NAV3: variants seen among roughly 807,000 people sequenced by gnomAD.
NAV3 encodes pore membrane and/or filament interacting like protein 1.
In NAV3, 87 loss-of-function variants were observed where a neutral mutation model predicts 244.7. The observed-to-expected ratio is 0.36, with a 90% CI of 0.30 to 0.42. NAV3 has a LOEUF of 0.42. Ranked by LOEUF, NAV3 falls within the 20% of genes least tolerant of loss-of-function variation. The pLI, the probability that NAV3 is intolerant of heterozygous loss-of-function variation, is 1.00. For synonymous variants in NAV3, 1,126 were observed against 1,042.2 expected (o/e 1.08, Z -1.55); for missense variants, 2,663 against 2,893.3 (o/e 0.92, Z 1.83).
chr12:77,811,747 A>G (rs1872297772), intron 2 of NAV3, among the ~76,000 whole-genome samples: 1 of 152,250 alleles, frequency 6.6e-6, no homozygotes, highest in Admixed American at 6.5e-5. Context: ...TTGACACTAA[A>G]CAAAGGGAAA....
intron 38 of NAV3, among the ~76,000 whole-genome samples, chr12:78,203,276 A>G (rs1313787134): frequency 1.3e-5 from 2 of 152,142 alleles, no homozygotes; most frequent in Non-Finnish European, 1.5e-5. Context: ...TTAAAAACCT[A>G]GAATTAATTG....
At chr12:78,090,660 T>C (rs886891750) in intron 12 of NAV3, among the ~76,000 whole-genome samples, 6 of 152,162 alleles carry the variant, frequency 3.9e-5, no homozygotes, top group Non-Finnish European at 7.4e-5. Context: ...ATTGACACCA[T>C]ATATATTTTT....
intron 23 of NAV3, among the ~76,000 whole-genome samples, chr12:78,167,860 C>T (rs899786624): frequency 6.6e-6 from 1 of 151,458 alleles, no homozygotes; most frequent in African/African-American, 2.4e-5. Flanking sequence ...AAACAATTCT[C>T]AGTTCTTTTT....
chr12:77,872,821 G>A (rs1230218213), intron 1 of NAV3, among the ~76,000 whole-genome samples: 1 of 152,030 alleles, frequency 6.6e-6, no homozygotes, highest in African/African-American at 2.4e-5. Context: ...ATTCTATTGT[G>A]TTGAATAAAT....
chr12:78,063,864 G>T (rs1283552743), intron 12 of NAV3, among the ~76,000 whole-genome samples: 3 of 152,114 alleles, frequency 2.0e-5, no homozygotes, highest in Non-Finnish European at 4.4e-5. Flanking sequence ...CTGGGAATGT[G>T]GACAAGGAGA....
At chr12:77,728,404 GA>G (rs35148534) in intron 2 of NAV3, among the ~76,000 whole-genome samples, 6,685 of 152,016 alleles carry the variant, frequency 0.044, 522 homozygotes, top group African/African-American at 0.15. Flanking sequence ...GAGACAGAAA[GA>G]ATAATTGGAC....
At chr12:78,107,657 T>C (rs73354818) in intron 12 of NAV3, among the ~76,000 whole-genome samples, 13,259 of 152,008 alleles carry the variant, frequency 0.087, 686 homozygotes, top group Middle Eastern at 0.14. Flanking sequence ...AAATTATCCT[T>C]CATAAATGAA....
intron 13 of NAV3, among the ~76,000 whole-genome samples, chr12:78,117,265 C>T (rs7975407): frequency 2.0e-4 from 2 of 10,208 alleles, no homozygotes; most frequent in African/African-American, 5.0e-4. Flanking sequence ...GTTATCTATA[C>T]AAATATATTT....
At chr12:77,715,370 G>GTAT (rs2137269256) in intron 2 of NAV3, among the ~76,000 whole-genome samples, 1 of 150,674 alleles carries the variant, frequency 6.6e-6, no homozygotes, top group African/African-American at 2.5e-5. Flanking sequence ...TGTCTTTTTT[G>GTAT]TATTATATCT....
intron 3 of NAV3, among the ~76,000 whole-genome samples, chr12:77,949,780 T>C (rs756827680): frequency 9.2e-5 from 14 of 152,076 alleles, no homozygotes; most frequent in Non-Finnish European, 1.9e-4. Context: ...TGACCTGTGT[T>C]ACCATTATAG....
intron 2 of NAV3, among the ~76,000 whole-genome samples, chr12:77,717,320 C>T (rs1388699327): frequency 1.3e-5 from 2 of 151,990 alleles, no homozygotes; most frequent in Non-Finnish European, 2.9e-5. Flanking sequence ...TCTACTTTCT[C>T]CTTCTATGAG....
intron 8 of NAV3, among the ~76,000 whole-genome samples, chr12:78,008,323 C>T (rs1384451162): frequency 6.6e-6 from 1 of 151,738 alleles, no homozygotes; most frequent in Non-Finnish European, 1.5e-5. Flanking sequence ...CATTATTATG[C>T]ATTTTAAAAT....
chr12:77,749,852 T>A (rs80045490), intron 2 of NAV3, among the ~76,000 whole-genome samples: 3,044 of 152,244 alleles, frequency 0.02, 44 homozygotes, highest in Non-Finnish European at 0.029. Flanking sequence ...ACCAGGTGTT[T>A]TCTAAAATAT....
chr12:77,614,074 CTTTTTTTTTTTTT>C (rs71440485), intron 2 of NAV3, among the ~76,000 whole-genome samples: 87 of 95,678 alleles, frequency 9.1e-4, no homozygotes, highest in African/African-American at 3.4e-3. Context: ...TTCTTTCTCT[CTTTTTTTTTTTTT>C]TTTTTTTTTT....
intron 12 of NAV3, among the ~76,000 whole-genome samples, chr12:78,063,427 C>T (rs1377812441): frequency 6.6e-6 from 1 of 152,106 alleles, no homozygotes; most frequent in African/African-American, 2.4e-5. Flanking sequence ...TGGTTTTGAC[C>T]TTTATTAACT....
chr12:77,990,923 T>C (rs1278036486), intron 5 of NAV3, among the ~76,000 whole-genome samples: 1 of 152,252 alleles, frequency 6.6e-6, no homozygotes, highest in Non-Finnish European at 1.5e-5. Context: ...AAATTGTCTC[T>C]ATTAATTGTG....
exon 2 of NAV3, chr12:77,572,035 C>T (rs760502350): frequency 1.4e-4 from 22 of 154,242 alleles, no homozygotes; most frequent in Non-Finnish European, 2.9e-4. Flanking sequence ...TTTTTCCATT[C>T]AATCAATGGA....
At chr12:77,909,064 T>C (rs1886304414) in intron 1 of NAV3, among the ~76,000 whole-genome samples, 1 of 152,072 alleles carries the variant, frequency 6.6e-6, no homozygotes, top group African/African-American at 2.4e-5. Flanking sequence ...CGTTTGCTGA[T>C]AGTTTTGTGG....
chr12:77,695,459 T>C (rs989044949), intron 2 of NAV3, among the ~76,000 whole-genome samples: 7 of 152,158 alleles, frequency 4.6e-5, no homozygotes, highest in African/African-American at 1.7e-4. Context: ...GAGTTCACTT[T>C]AGGTGTGTGA....
Sources: gnomAD v4.1 joint callset for allele counts (sites outside exome capture counted in the v4.1 genomes callset) on GRCh38, gnomAD v4.1.1 for gene constraint, MANE v1.5 for transcripts, NCBI Gene and HGNC (gene_info 2026-07-23, HGNC 2026-07-21) for gene names.